Variants in RNF139 observed in about 807,000 individuals in gnomAD.
RNF139 encodes the protein ring finger protein 139.
Under a neutral mutation model 49.5 loss-of-function variants are expected in RNF139, and 15 were observed. The ratio of observed to expected loss-of-function variants is 0.30; its 90% confidence interval spans 0.20 to 0.47. RNF139 has a LOEUF of 0.47. Ranked by LOEUF, RNF139 falls within the 20% of genes least tolerant of loss-of-function variation. The pLI, the probability that RNF139 is intolerant of heterozygous loss-of-function variation, is 1.00. For synonymous variants in RNF139, 325 were observed against 300.9 expected (o/e 1.08, Z -0.83); for missense variants, 619 against 806.3 (o/e 0.77, Z 2.81).
Position 124,487,719 on chromosome 8 carries a change from C to T in RNF139, c.*75C>T. On this transcript the variant is annotated 3_prime_UTR_variant, in exon 2 of 2. Transcript: ENST00000303545. ...ATCCAAAATGGAGTAATATCCTTCA[C>T]CTTCAGTGTGTAACCAAGCACAAAA... 7.0e-7 allele frequency: 1 copy of T among 1,418,712 alleles called. No homozygotes were observed. Among genetic ancestry groups the T allele is most frequent in the Non-Finnish European group, 9.5e-7 (1 of 1,055,784 alleles). The allele number at this position is 1,418,712 out of a possible 1,614,324, so 87.9% of individuals were successfully genotyped here.
At position 124,475,299 on chromosome 8, in the gene RNF139, A is replaced by AC; in HGVS notation, c.181+10dup. The AC allele has an allele frequency of 6.2e-7, 1 of 1,611,090 alleles. No homozygotes were observed. The highest frequency in any genetic ancestry group is 1.7e-5 in the Admixed American group (1 of 59,794). On this transcript the variant is annotated intron_variant, in intron 1 of 1. Coordinates refer to ENST00000303545, the MANE Select transcript of RNF139 (RefSeq NM_007218.4). ...CTTCCTCCGGCTCTTTGGTAAGGGAACAGGGTACCGTACGTCCCGGGACGG... is the reference window on the plus strand; with the variant it reads ...CTTCCTCCGGCTCTTTGGTAAGGGAACCAGGGTACCGTACGTCCCGGGACGG...
At chr8:124,482,958 A>ATAAT (rs1554601149) in intron 1 of RNF139, among the ~76,000 whole-genome samples, 9 of 94,246 alleles carry the variant, frequency 9.5e-5, no homozygotes, top group Admixed American at 1.6e-4. Context: ...ATATATATAT[A>ATAAT]ATATATATAT....
chr8:124,487,463 A>G lies in RNF139; in HGVS notation c.1814A>G (p.Asn605Ser). 1.2e-6 allele frequency: 2 copies of G among 1,614,092 alleles called. No individual in the cohort carries two copies. The highest frequency in any genetic ancestry group is 2.2e-5 in the South Asian group (2 of 91,074). ...GATAATTCAAATGTATCTAACAACA[A>G]TGGATTTATTCCACCCAATGAAACT... ...IKDNSNVSNN[N>S]GFIPPNETPE... Residue 605 changes from asparagine to serine, a missense_variant, in exon 2 of 2, where the codon AAT becomes AGT. By Grantham distance (46) the Asn-to-Ser change is conservative. Around this residue, in one of 2 missense-constraint regions of RNF139, gnomAD observed 530 missense variants for 728.9 expected, o/e 0.73. Transcript: ENST00000303545.
Position 124,487,327 on chromosome 8 carries a change from A to G in RNF139, c.1678A>G (p.Ile560Val), listed in dbSNP as rs775196100. 1 of 1,614,132 alleles carries G rather than the reference A, an allele frequency of 6.2e-7. No individual in the cohort carries two copies. The highest frequency in any genetic ancestry group is 8.5e-7 in the Non-Finnish European group (1 of 1,179,994). Residue 560 changes from isoleucine (I) to valine (V), a missense_variant, in exon 2 of 2, where the codon ATT becomes GTT. Around this residue, in one of 2 missense-constraint regions of RNF139, gnomAD observed 530 missense variants for 728.9 expected, o/e 0.73. Coordinates refer to ENST00000303545, the MANE Select transcript of RNF139 (RefSeq NM_007218.4). The stretch of plus-strand genomic sequence containing the variant: ...TCATGAGTTTACAACATCTGCTCGT[A>G]TTACACCGTGTAATCATTATTTCCA... The part of the protein sequence containing the change: ...CYHEFTTSAR[I>V]TPCNHYFHAL...
At position 124,475,038 on chromosome 8, in the gene RNF139, C is replaced by T; in HGVS notation, c.-72C>T. ...GGAGTTGCCCGCCTTAGCCCCCGCCCCCGGCCGCGGCCCCGGGCCCTGCCC... is the reference window on the plus strand; with the variant it reads ...GGAGTTGCCCGCCTTAGCCCCCGCCTCCGGCCGCGGCCCCGGGCCCTGCCC... On this transcript the variant is annotated 5_prime_UTR_variant, in exon 1 of 2. Coordinates refer to ENST00000303545, the MANE Select transcript of RNF139 (RefSeq NM_007218.4). 1.8e-6 allele frequency: 2 copies of T among 1,110,838 alleles called. No individual in the cohort carries two copies. The highest frequency in any genetic ancestry group is 2.3e-6 in the Non-Finnish European group (2 of 882,366). 68.8% of individuals were successfully genotyped at this position (1,110,838 alleles called of 1,614,324 possible).
intron 1 of RNF139, among the ~76,000 whole-genome samples, chr8:124,478,353 A>G (rs1369724754): frequency 1.3e-5 from 2 of 152,096 alleles, no homozygotes; most frequent in African/African-American, 4.8e-5. Context: ...ACGGTGGCTC[A>G]CGCCTATAAT....
At position 124,486,974 on chromosome 8, in the gene RNF139, C is replaced by A. The variant is rs757614523; in HGVS notation, c.1325C>A (p.Thr442Lys). The change falls in exon 2 of 2, where the codon ACG (threonine) becomes AAG (lysine). Residue 442 changes from threonine (T) to lysine (K), a missense_variant. By Grantham distance (78) the Thr-to-Lys change is moderately conservative. Transcript: ENST00000303545. ...GTAATTGTTTCTCTCACTGTTTATA[C>A]GTTATTCATGATTGATGGCTACTAT... The part of the protein sequence containing the change: ...LKVIVSLTVY[T>K]LFMIDGYYNV... The A allele has an allele frequency of 9.3e-6, 15 of 1,613,856 alleles. No individual in the cohort carries two copies. The highest frequency in any genetic ancestry group is 1.3e-5 in the Non-Finnish European group (15 of 1,179,958).
chr8:124,485,826 T>A lies in RNF139; in HGVS notation c.182-5T>A, dbSNP rs368945670. 13 of 1,573,716 alleles carry A rather than the reference T, an allele frequency of 8.3e-6. No homozygotes were observed. The African/African-American group carries it at 1.6e-4, about 20-fold the overall frequency. On this transcript the variant is annotated splice_region_variant and splice_polypyrimidine_tract_variant and intron_variant, in intron 1 of 1. Transcript: ENST00000303545. ...TTCAAATGACTTTTTCTTTCTTTCT[T>A]TTAGGTGTATTTGCATCCAGTATTG...
At chr8:124,481,885 A>T (rs1816417437) in intron 1 of RNF139, among the ~76,000 whole-genome samples, 6 of 152,138 alleles carry the variant, frequency 3.9e-5, no homozygotes, top group Non-Finnish European at 8.8e-5. Context: ...GAGAAAGATG[A>T]TTACTTTGGA....
In RNF139 at chr8:124,487,602, C is replaced by T. The variant is rs370021895; in HGVS notation, c.1953C>T (p.His651=). 2.5e-6 allele frequency: 4 copies of T among 1,610,978 alleles called. No individual in the cohort carries two copies. Among genetic ancestry groups the T allele is most frequent in the African/African-American group, 1.3e-5 (1 of 74,930 alleles). ...GAGAAAGAAATGGAGTGATTCAGCA[C>T]ACAGGCGCAGCAGCTGAAGAATTTA... is the stretch of plus-strand genomic sequence containing the variant. The part of the protein sequence containing the change: ...VQRERNGVIQ[H]TGAAAEEFND... Residue 651 remains histidine, a synonymous_variant, in exon 2 of 2, where the codon CAC becomes CAT. Transcript: ENST00000303545.
rs1816546612 is a variant in RNF139, at chr8:124,486,998, A to G, written c.1349A>G (p.Tyr450Cys). ...ACGTTATTCATGATTGATGGCTACT[A>G]TAATGTCCTCTGGGAAAAGCTTGAC... is the stretch of plus-strand genomic sequence containing the variant. ...VYTLFMIDGY[Y>C]NVLWEKLDDY... is the part of the protein sequence containing the mutation. The change falls in exon 2 of 2, where the codon TAT becomes TGT. Residue 450 changes from tyrosine to cysteine, a missense_variant. By Grantham distance (194) the Tyr-to-Cys change is radical. Coordinates refer to ENST00000303545, the MANE Select transcript of RNF139 (RefSeq NM_007218.4). 1 of 1,613,968 alleles carries G rather than the reference A, an allele frequency of 6.2e-7. No individual in the cohort carries two copies. The highest frequency in any genetic ancestry group is 1.1e-5 in the South Asian group (1 of 91,088).
chr8:124,486,529 A>G lies in RNF139; in HGVS notation c.880A>G (p.Met294Val). 1 of 1,614,186 alleles carries G rather than the reference A, an allele frequency of 6.2e-7. No homozygotes were observed. Among genetic ancestry groups the G allele is most frequent in the African/African-American group, 1.3e-5 (1 of 75,056 alleles). ...GCDSTLTVLGMSAVISSVAHY... is the reference protein window; with the variant it reads ...GCDSTLTVLGVSAVISSVAHY... The stretch of plus-strand genomic sequence containing the variant: ...CGATTCTACACTAACTGTACTGGGC[A>G]TGAGTGCTGTAATTTCCTCAGTAGC... The change falls in exon 2 of 2, where the codon ATG (methionine) becomes GTG (valine). Residue 294 changes from methionine to valine, a missense_variant. Met to Val is a conservative substitution (Grantham distance 21, BLOSUM62 1). Coordinates refer to ENST00000303545, the MANE Select transcript of RNF139 (RefSeq NM_007218.4).
chr8:124,486,914 C>A lies in RNF139; in HGVS notation c.1265C>A (p.Ala422Glu). 6.2e-7 allele frequency: 1 copy of A among 1,613,998 alleles called. No individual in the cohort carries two copies. Reference sequence around the variant, plus strand: ...TATGCACTAAATACATGGTTGTTTGCAGTTACAGCATTTTGTGTGGAACTG... The same window carrying A: ...TATGCACTAAATACATGGTTGTTTGAAGTTACAGCATTTTGTGTGGAACTG... ...HHYALNTWLF[A>E]VTAFCVELCL... The change falls in exon 2 of 2, where the codon GCA (alanine) becomes GAA (glutamate). Residue 422 changes from alanine (A) to glutamate (E), a missense_variant. Transcript: ENST00000303545.
intron 1 of RNF139, among the ~76,000 whole-genome samples, chr8:124,477,862 T>A (rs1343227627): frequency 6.6e-6 from 1 of 152,142 alleles, no homozygotes; most frequent in African/African-American, 2.4e-5. Flanking sequence ...GGGAAAAGGC[T>A]TTAAACATAA....
At chr8:124,484,797 G>C (rs1007538964) in intron 1 of RNF139, among the ~76,000 whole-genome samples, 4 of 152,118 alleles carry the variant, frequency 2.6e-5, no homozygotes, top group African/African-American at 9.7e-5. Flanking sequence ...TTGGTTTTCT[G>C]AGTGTTACTT....
Position 124,487,469 on chromosome 8 carries a change from T to C in RNF139, c.1820T>C (p.Phe607Ser), listed in dbSNP as rs766749090. 9 of 1,614,102 alleles carry C rather than the reference T, an allele frequency of 5.6e-6. No homozygotes were observed. The highest frequency in any genetic ancestry group is 7.6e-6 in the Non-Finnish European group (9 of 1,179,984). The change falls in exon 2 of 2, where the codon TTT (phenylalanine) becomes TCT (serine). Residue 607 changes from phenylalanine to serine, a missense_variant. Phe to Ser is a radical substitution (Grantham distance 155, BLOSUM62 -2). Around this residue, in one of 2 missense-constraint regions of RNF139, gnomAD observed 530 missense variants for 728.9 expected, o/e 0.73. Transcript: ENST00000303545. ...DNSNVSNNNG[F>S]IPPNETPEEA... ...TCAAATGTATCTAACAACAATGGATTTATTCCACCCAATGAAACTCCAGAG... is the reference window on the plus strand; with the variant it reads ...TCAAATGTATCTAACAACAATGGATCTATTCCACCCAATGAAACTCCAGAG...
chr8:124,475,022 C>T lies in RNF139; in HGVS notation c.-88C>T. The stretch of plus-strand genomic sequence containing the variant: ...GAAGGAGGGCAGGGGCGGAGTTGCC[C>T]GCCTTAGCCCCCGCCCCCGGCCGCG... On this transcript the variant is annotated 5_prime_UTR_variant, in exon 1 of 2. Transcript: ENST00000303545. 1.1e-6 allele frequency: 1 copy of T among 890,678 alleles called. No individual in the cohort carries two copies. The highest frequency in any genetic ancestry group is 5.2e-5 in the South Asian group (1 of 19,248). The allele number at this position is 890,678 out of a possible 1,614,324, so 55.2% of individuals were successfully genotyped here.
intron 1 of RNF139, among the ~76,000 whole-genome samples, chr8:124,478,787 T>G (rs918222011): frequency 4.6e-5 from 7 of 151,160 alleles, no homozygotes; most frequent in Non-Finnish European, 8.9e-5. Context: ...TGGCGTGATC[T>G]CGGCTCACCA....
At position 124,487,132 on chromosome 8, in the gene RNF139, A is replaced by G. The variant is rs1213137359; in HGVS notation, c.1483A>G (p.Ile495Val). The G allele has an allele frequency of 6.2e-7, 1 of 1,613,846 alleles. No homozygotes were observed. Among genetic ancestry groups the G allele is most frequent in the East Asian group, 2.2e-5 (1 of 44,880 alleles). Residue 495 changes from isoleucine (I) to valine (V), a missense_variant, in exon 2 of 2, where the codon ATT (isoleucine) becomes GTT (valine). By Grantham distance (29) the Ile-to-Val change is conservative. Around this residue, in one of 2 missense-constraint regions of RNF139, gnomAD observed 530 missense variants for 728.9 expected, o/e 0.73. Transcript: ENST00000303545. ...YTMMFESGSKIRAFMMCLHAY... is the reference protein window; with the variant it reads ...YTMMFESGSKVRAFMMCLHAY... ...TATGATGTTTGAGTCGGGAAGTAAA[A>G]TTCGGGCTTTTATGATGTGCCTACA...
Sources: gnomAD v4.1 joint callset for allele counts (sites outside exome capture counted in the v4.1 genomes callset) on GRCh38, gnomAD v4.1.1 for gene constraint, gnomAD v4.1.1 regional missense constraint, MANE v1.5 for transcripts, NCBI Gene and HGNC (gene_info 2026-07-23, HGNC 2026-07-21) for gene names.